Variants in SNTG1 observed in about 807,000 individuals in gnomAD.
SNTG1 encodes gamma-1-syntrophin.
In SNTG1, 39 loss-of-function variants were observed where a neutral mutation model predicts 74.7. The ratio of observed to expected loss-of-function variants is 0.52; its 90% CI spans 0.40 to 0.68. The LOEUF is 0.68. Ranked by LOEUF, SNTG1 falls within the 30% of genes least tolerant of loss-of-function variation. SNTG1 has a pLI of 0.00. For synonymous variants in SNTG1, 254 were observed against 217.1 expected (o/e 1.17, Z -1.49); for missense variants, 685 against 609.5 (o/e 1.12, Z -1.30).
intron 1 of SNTG1, among the ~76,000 whole-genome samples, chr8:50,023,652 T>C (rs1817017032): frequency 1.3e-5 from 2 of 152,148 alleles, no homozygotes; most frequent in South Asian, 2.1e-4. Flanking sequence ...AGTAAAACAC[T>C]TGGGAACCTC....
intron 18 of SNTG1, among the ~76,000 whole-genome samples, chr8:50,778,644 T>G (rs1368261924): frequency 5.5e-5 from 7 of 127,874 alleles, no homozygotes; most frequent in East Asian, 4.6e-4. Context: ...TTTCTCCCAT[T>G]TTGTAGGTTG....
At chr8:50,397,486 G>A (rs2131328299) in intron 3 of SNTG1, among the ~76,000 whole-genome samples, 1 of 152,260 alleles carries the variant, frequency 6.6e-6, no homozygotes, top group East Asian at 1.9e-4. Flanking sequence ...CTTCAGGAAG[G>A]AGTGGAGATC....
intron 1 of SNTG1, among the ~76,000 whole-genome samples, chr8:49,962,855 A>G (rs527848697): frequency 6.6e-6 from 1 of 152,294 alleles, no homozygotes; most frequent in Admixed American, 6.5e-5. Context: ...TGGCATCCCA[A>G]GTTCTGGGAT....
intron 12 of SNTG1, among the ~76,000 whole-genome samples, chr8:50,577,475 T>TCTCC (rs1252734222): frequency 6.6e-6 from 1 of 151,562 alleles, no homozygotes; most frequent in African/African-American, 2.4e-5. Context: ...TTTTTTTTCT[T>TCTCC]CTGGTGTCTT....
At chr8:50,339,996 T>C (rs1031712681) in intron 2 of SNTG1, among the ~76,000 whole-genome samples, 4 of 152,016 alleles carry the variant, frequency 2.6e-5, no homozygotes, top group South Asian at 4.1e-4. Context: ...AAGAGAAGTA[T>C]TTAGATACAA....
At chr8:50,685,015 A>T (rs931849429) in intron 15 of SNTG1, among the ~76,000 whole-genome samples, 2 of 151,942 alleles carry the variant, frequency 1.3e-5, no homozygotes. Flanking sequence ...ACTTAAAAAA[A>T]AAATAGAGCT....
At chr8:50,630,731 C>T (rs1314749460) in intron 13 of SNTG1, among the ~76,000 whole-genome samples, 2 of 152,080 alleles carry the variant, frequency 1.3e-5, no homozygotes, top group East Asian at 3.9e-4. Flanking sequence ...GAGAGTTATA[C>T]CCCAAGAAGA....
At chr8:50,379,150 G>T (rs1442172522) in intron 2 of SNTG1, among the ~76,000 whole-genome samples, 1 of 152,210 alleles carries the variant, frequency 6.6e-6, no homozygotes, top group Non-Finnish European at 1.5e-5. Context: ...CAAGTCTGGA[G>T]GCAGCTGAAG....
chr8:50,173,520 A>T (rs2082883155), intron 2 of SNTG1, among the ~76,000 whole-genome samples: 1 of 152,190 alleles, frequency 6.6e-6, no homozygotes. Context: ...AATGTAGTGT[A>T]GAAGTGGCAA....
intron 2 of SNTG1, among the ~76,000 whole-genome samples, chr8:50,330,570 T>C (rs1435853464): frequency 6.6e-6 from 1 of 152,230 alleles, no homozygotes; most frequent in Non-Finnish European, 1.5e-5. Flanking sequence ...TTTCAGGTTA[T>C]CTTTACAGCA....
chr8:50,443,391 C>A (rs1199062865), intron 5 of SNTG1, among the ~76,000 whole-genome samples: 1 of 151,996 alleles, frequency 6.6e-6, no homozygotes, highest in Non-Finnish European at 1.5e-5. Flanking sequence ...TTATCTATGT[C>A]CATTAAATAA....
At chr8:50,502,379 C>T (rs1056222918) in intron 8 of SNTG1, among the ~76,000 whole-genome samples, 6 of 152,108 alleles carry the variant, frequency 3.9e-5, no homozygotes, top group African/African-American at 1.4e-4. Context: ...AACATATGCT[C>T]CAAAGCTTAT....
chr8:50,482,767 A>T (rs539122714), intron 8 of SNTG1, among the ~76,000 whole-genome samples: 2 of 152,324 alleles, frequency 1.3e-5, no homozygotes, highest in Non-Finnish European at 2.9e-5. Flanking sequence ...CTTTGGCTCC[A>T]AACTATGCCT....
rs1257441764 is a variant in SNTG1 at position 50,121,634 on chromosome 8, AAGG to A, written c.-102-50924_-102-50922del. Among the ~76,000 whole-genome samples the A allele has an allele frequency of 1.4e-5, 2 of 142,238 alleles. 1 individual carries two copies. Among genetic ancestry groups the A allele is most frequent in the Non-Finnish European group, 3.1e-5 (2 of 63,876 alleles). 93.3% of individuals were successfully genotyped at this position (142,238 alleles called of 152,430 possible). On this transcript the variant is annotated intron_variant, in intron 1 of 18. Coordinates refer to ENST00000642720, the MANE Select transcript of SNTG1 (RefSeq NM_018967.5). ...TTAGAAACTGAAACTAGTGACAGAG[AAGG>A]AGAATTTGTTGAGGATTTAAACCAA...
At chr8:50,207,165 G>T (rs2084284906) in intron 2 of SNTG1, among the ~76,000 whole-genome samples, 1 of 152,112 alleles carries the variant, frequency 6.6e-6, no homozygotes, top group African/African-American at 2.4e-5. Context: ...TTGTACCTCT[G>T]GTAGAATTCG....
intron 2 of SNTG1, among the ~76,000 whole-genome samples, chr8:50,293,035 G>C (rs2089193296): frequency 6.6e-6 from 1 of 152,150 alleles, no homozygotes; most frequent in Non-Finnish European, 1.5e-5. Context: ...GGACCCCTCA[G>C]GAGGGTCCAG....
chr8:50,154,221 C>A (rs550527933), intron 1 of SNTG1, among the ~76,000 whole-genome samples: 1 of 152,286 alleles, frequency 6.6e-6, no homozygotes, highest in African/African-American at 2.4e-5. Context: ...GTGTGGGACC[C>A]CCCAAGCCAG....
chr8:50,550,086 TAA>T, intron 11 of SNTG1, among the ~76,000 whole-genome samples: 1 of 152,272 alleles, frequency 6.6e-6, no homozygotes, highest in African/African-American at 2.4e-5. Context: ...CTCACTAATA[TAA>T]GTTTATTTCA....
rs191254410 is a variant in SNTG1, at chr8:50,304,932, C to G, written c.-27-89280C>G. The stretch of plus-strand genomic sequence containing the variant: ...CTTTTGTTTTTGAGATGGAGACTCA[C>G]TCTCTTTTTGCCCATGCTGGAGTGC... On this transcript the variant is annotated intron_variant, in intron 2 of 18. Transcript: ENST00000642720. Among the ~76,000 whole-genome samples, 203 of 152,034 alleles carry G rather than the reference C, an allele frequency of 1.3e-3. 1 individual carries two copies. The highest frequency in any genetic ancestry group is 4.6e-3 in the African/African-American group (189 of 41,472).
Sources: gnomAD v4.1 joint callset for allele counts (sites outside exome capture counted in the v4.1 genomes callset) on GRCh38, gnomAD v4.1.1 for gene constraint, MANE v1.5 for transcripts, NCBI Gene and HGNC (gene_info 2026-07-23, HGNC 2026-07-21) for gene names.